The following ANKS1A variants were observed in gnomAD, a reference collection of about 807,000 sequenced individuals.
The protein encoded by ANKS1A is ankyrin repeat and SAM domain-containing protein 1A.
In ANKS1A, 55 loss-of-function variants were observed where a neutral mutation model predicts 120.3. That is an observed-to-expected ratio of 0.46 (90% CI 0.37 to 0.57). The LOEUF is 0.57. ANKS1A is among the 20% of genes least tolerant of loss of function. ANKS1A has a pLI of 0.00. For synonymous variants in ANKS1A, 590 were observed against 604.7 expected (o/e 0.98, Z 0.36); for missense variants, 1,123 against 1,480.3 (o/e 0.76, Z 3.96).
intron 10 of ANKS1A, among the ~76,000 whole-genome samples, chr6:35,016,625 G>A (rs1287181818): frequency 1.3e-5 from 2 of 152,092 alleles, no homozygotes; most frequent in Admixed American, 1.3e-4. Flanking sequence ...TAGGATGTTA[G>A]GGAAGTCTCG....
downstream of ANKS1A, among the ~76,000 whole-genome samples, chr6:35,095,109 C>A (rs1480777737): frequency 6.8e-6 from 1 of 146,752 alleles, no homozygotes; most frequent in Admixed American, 7.0e-5. Flanking sequence ...CCACTGCACT[C>A]CAGCCTGGGC....
chr6:35,033,830 T>C (rs1775025182), intron 11 of ANKS1A, among the ~76,000 whole-genome samples: 1 of 152,208 alleles, frequency 6.6e-6, no homozygotes, highest in African/African-American at 2.4e-5. Context: ...AGGGGTTCAC[T>C]TCCCCAGGTG....
chr6:34,968,282 T>G (rs978649381), intron 2 of ANKS1A, among the ~76,000 whole-genome samples: 1 of 152,140 alleles, frequency 6.6e-6, no homozygotes, highest in African/African-American at 2.4e-5. Context: ...GGCACTGCCT[T>G]TCAGGTTGCC....
rs1311411420 is a variant in ANKS1A at position 34,982,691 on chromosome 6, C to T, written c.733-61C>T. ...CTTCTTGTCTGTGTCCCCTTTGTCA[C>T]GTGAAGCCGCACCAAACTGTTCTGA... On this transcript the variant is annotated intron_variant, in intron 4 of 23. Transcript: ENST00000360359. The surrounding 1 kb of genome is among the most constrained non-coding windows in gnomAD (Gnocchi z 4.9). 5.8e-6 allele frequency: 9 copies of T among 1,543,002 alleles called. No individual in the cohort carries two copies. The highest frequency in any genetic ancestry group is 3.3e-5 in the South Asian group (3 of 89,556).
At chr6:34,993,789 G>A (rs958374185) in intron 9 of ANKS1A, among the ~76,000 whole-genome samples, 3 of 152,178 alleles carry the variant, frequency 2.0e-5, no homozygotes, top group Admixed American at 6.5e-5. Context: ...GAAAAGAAAC[G>A]TGGAGAAAGA....
At chr6:34,923,415 C>T (rs550278516) in intron 1 of ANKS1A, among the ~76,000 whole-genome samples, 66 of 152,204 alleles carry the variant, frequency 4.3e-4, no homozygotes, top group African/African-American at 1.5e-3. Context: ...CTAAAGTCAA[C>T]GGAAGAACCT....
At chr6:35,059,309 C>T (rs1776362322) in intron 12 of ANKS1A, among the ~76,000 whole-genome samples, 1 of 152,248 alleles carries the variant, frequency 6.6e-6, no homozygotes, top group Admixed American at 6.5e-5. Context: ...GGCCGCGCAG[C>T]CCGGCGGAAT....
intron 13 of ANKS1A, among the ~76,000 whole-genome samples, chr6:35,064,177 C>T (rs1465563064): frequency 6.6e-6 from 1 of 152,140 alleles, no homozygotes; most frequent in African/African-American, 2.4e-5. Flanking sequence ...GCTAGTGCCC[C>T]ACACCAGGCA....
intron 1 of ANKS1A, among the ~76,000 whole-genome samples, chr6:34,899,506 AC>A (rs1448032894): frequency 1.2e-4 from 18 of 152,306 alleles, no homozygotes; most frequent in Non-Finnish European, 2.4e-4. Context: ...TAATTAAAAA[AC>A]AAAAAAAATA....
Position 35,044,015 on chromosome 6 carries a change from G to A in ANKS1A, c.2011-10084G>A, listed in dbSNP as rs902566856. Among the ~76,000 whole-genome samples the A allele has an allele frequency of 6.6e-6, 1 of 152,198 alleles. No homozygotes were observed. The highest frequency in any genetic ancestry group is 2.1e-4 in the South Asian group (1 of 4,830). On this transcript the variant is annotated intron_variant, in intron 11 of 23. Transcript: ENST00000360359. The surrounding 1 kb of genome is among the most constrained non-coding windows in gnomAD (Gnocchi z 4.4). Reference sequence around the variant, plus strand: ...TCGAAGTACTTACTTGGTTGTCACAGAAAGGTTCTTTTACACTGGTTCCAT... The same window carrying A: ...TCGAAGTACTTACTTGGTTGTCACAAAAAGGTTCTTTTACACTGGTTCCAT...
chr6:35,063,910 C>T (rs1229883192), intron 13 of ANKS1A, among the ~76,000 whole-genome samples: 3 of 152,208 alleles, frequency 2.0e-5, no homozygotes, highest in Non-Finnish European at 4.4e-5. Context: ...CCAAGTCCAA[C>T]CTCGAACCTC....
intron 13 of ANKS1A, among the ~76,000 whole-genome samples, chr6:35,067,705 GT>G (rs1002067934): frequency 5.3e-5 from 8 of 151,972 alleles, no homozygotes; most frequent in African/African-American, 1.9e-4. Flanking sequence ...TTTTGCTGAA[GT>G]TTTTTTTCCT....
At chr6:34,891,777 C>T (rs982297334) in intron 1 of ANKS1A, among the ~76,000 whole-genome samples, 72 of 152,124 alleles carry the variant, frequency 4.7e-4, no homozygotes, top group African/African-American at 1.7e-3. Context: ...TACAGGCAAG[C>T]GCCACCACAC....
chr6:35,082,218 T>C lies in ANKS1A; in HGVS notation c.2710-473T>C, dbSNP rs750135979. ...CCCTAGCTGCTGCCAGAAGGATCCA[T>C]TTGGAATGCATTCCTAGGCACGGGC... On this transcript the variant is annotated intron_variant, in intron 17 of 23. Transcript: ENST00000360359. This position sits in a 1 kb window ranked among gnomAD's most constrained non-coding sequence, Gnocchi z 4.1. 8.6e-5 allele frequency among the ~76,000 whole-genome samples: 13 copies of C among 151,824 alleles called. No individual in the cohort carries two copies. The highest frequency in any genetic ancestry group is 3.3e-4 in the Admixed American group (5 of 15,242).
In ANKS1A at chr6:35,056,055, A is replaced by G. The variant is rs552978259; in HGVS notation, c.2077+1890A>G. ...GATGGGAGGGATAGCAGTCAGTTCC[A>G]TTGAGGATGGTTTCTGCTTTCTGTG... On this transcript the variant is annotated intron_variant, in intron 12 of 23. Coordinates refer to ENST00000360359, the MANE Select transcript of ANKS1A (RefSeq NM_015245.3). 7.9e-5 allele frequency among the ~76,000 whole-genome samples: 12 copies of G among 152,362 alleles called. 1 individual carries two copies. The South Asian group carries it at 2.5e-3, about 32-fold the overall frequency.
At chr6:34,915,763 G>T (rs1433540222) in intron 1 of ANKS1A, among the ~76,000 whole-genome samples, 1 of 152,048 alleles carries the variant, frequency 6.6e-6, no homozygotes, top group Non-Finnish European at 1.5e-5. Context: ...GAAAGAAAAG[G>T]CTTGCTGTAC....
At chr6:35,014,080 A>C (rs903788169) in intron 10 of ANKS1A, among the ~76,000 whole-genome samples, 1 of 152,210 alleles carries the variant, frequency 6.6e-6, no homozygotes, top group African/African-American at 2.4e-5. Flanking sequence ...CTTGATCAGT[A>C]TATTCTATTG....
chr6:34,921,030 G>GA (rs1421526393), intron 1 of ANKS1A, among the ~76,000 whole-genome samples: 1 of 152,208 alleles, frequency 6.6e-6, no homozygotes, highest in East Asian at 1.9e-4. Context: ...AAAACAATGA[G>GA]ACTATCATGC....
intron 1 of ANKS1A, among the ~76,000 whole-genome samples, chr6:34,897,386 G>A (rs1430941123): frequency 1.3e-5 from 2 of 152,114 alleles, no homozygotes; most frequent in Admixed American, 1.3e-4. Context: ...TGTGAATTCT[G>A]GTTTGCAAAA....
Sources: gnomAD v4.1 joint callset for allele counts (sites outside exome capture counted in the v4.1 genomes callset) on GRCh38, gnomAD v4.1.1 for gene constraint, Gnocchi (gnomAD v3.1) non-coding constraint, MANE v1.5 for transcripts, NCBI Gene and HGNC (gene_info 2026-07-23, HGNC 2026-07-21) for gene names.